POLA2: variants seen among roughly 807,000 people sequenced by gnomAD.
POLA2 encodes the protein DNA polymerase alpha 2, accessory subunit.
Under a neutral mutation model 82.8 loss-of-function variants are expected in POLA2, and 47 were observed. That is an observed-to-expected ratio of 0.57 (90% confidence interval 0.45 to 0.72). The LOEUF is 0.72. POLA2 is among the 30% of genes least tolerant of loss of function. POLA2 has a pLI of 0.00. For synonymous variants in POLA2, 287 were observed against 286.8 expected, an observed-to-expected ratio of 1.00 and a Z score of -0.01; for missense variants, 634 against 728.1, an observed-to-expected ratio of 0.87 and a Z score of 1.49.
chr11:65,272,149 A>G (rs1216164046), intron 4 of POLA2, among the ~76,000 whole-genome samples: 1 of 152,052 alleles, frequency 6.6e-6, no homozygotes, highest in African/African-American at 2.4e-5. Flanking sequence ...ATCGCTACAA[A>G]AGTACAAAAA....
chr11:65,295,742 C>A, intron 16 of POLA2, 122 bp from the exon 17 acceptor site: 6 of 1,355,444 alleles, frequency 4.4e-6, no homozygotes, highest in Non-Finnish European at 6.3e-6. Context: ...CTGCCCCACA[C>A]ACACAGAGAA....
At chr11:65,304,212 C>T (rs1001317966) in intron 8 of POLA2, among the ~76,000 whole-genome samples, 2 of 145,724 alleles carry the variant, frequency 1.4e-5, no homozygotes, top group Non-Finnish European at 2.9e-5. Context: ...TCCATCCATC[C>T]GTCCATCCAT....
rs41556122 is a variant in POLA2 at position 65,278,674 on chromosome 11, C to A, written c.462-56C>A. 3.5e-3 allele frequency: 4,831 copies of A among 1,398,790 alleles called. 146 individuals carry two copies. The African/African-American group carries it at 0.062, about 18-fold the overall frequency. 86.6% of individuals were successfully genotyped at this position (1,398,790 alleles called of 1,614,324 possible). ...TTTCCAAAGGTAACCTCATTTTATT[C>A]TTCTCTCCCTTTAGATATGAACACA... On this transcript the variant is annotated intron_variant, in intron 5 of 17. Coordinates refer to ENST00000265465, the MANE Select transcript of POLA2 (RefSeq NM_002689.4).
exon 9 of POLA2, chr11:65,305,479 A>G: frequency 2.3e-6 from 1 of 441,504 alleles, no homozygotes; most frequent in Non-Finnish European, 4.5e-6. Flanking sequence ...TACCTGGCAC[A>G]GTCTCCAAGA....
Position 65,284,127 on chromosome 11 carries a change from CTAGATAGA to C in POLA2, c.1006+1647_1006+1654del, listed in dbSNP as rs60541542. Among the ~76,000 whole-genome samples, 1,324 of 143,172 alleles carry C rather than the reference CTAGATAGA, an allele frequency of 9.2e-3. 10 individuals are homozygous for C. Among genetic ancestry groups the C allele is most frequent in the African/African-American group, 0.019 (740 of 38,218 alleles). The allele number at this position is 143,172 out of a possible 152,430, so 93.9% of individuals were successfully genotyped here. ...TCAGCATGGGTGAAAGAGTAAGACA[CTAGATAGA>C]TAGATAGATAGATAGATAGATAGAT... is the stretch of plus-strand genomic sequence containing the variant. On this transcript the variant is annotated intron_variant, in intron 10 of 17. Coordinates refer to ENST00000265465, the MANE Select transcript of POLA2 (RefSeq NM_002689.4).
chr11:65,267,536 A>G lies in POLA2; in HGVS notation c.264A>G (p.Ala88=), dbSNP rs1273369440. The change falls in exon 3 of 18, where the codon GCA becomes GCG. Residue 88 remains alanine (A), a synonymous_variant. Transcript: ENST00000265465. ...RHSTCKDSGH[A]GARDIVSIQE... ...GTACCTGCAAGGACAGTGGCCATGC[A>G]GGAGCTAGAGACATTGTTTCCATTC... 2 of 1,611,562 alleles carry G rather than the reference A, an allele frequency of 1.2e-6. No homozygotes were observed. Among genetic ancestry groups the G allele is most frequent in the South Asian group, 1.1e-5 (1 of 90,654 alleles).
chr11:65,295,090 AT>A (rs1949795673), intron 15 of POLA2, among the ~76,000 whole-genome samples: 1 of 152,048 alleles, frequency 6.6e-6, no homozygotes, highest in Admixed American at 6.6e-5. Flanking sequence ...GCCCTGACAA[AT>A]TTGTTGAGTT....
intron 8 of POLA2, among the ~76,000 whole-genome samples, chr11:65,304,664 C>T (rs986580275): frequency 1.3e-5 from 2 of 152,178 alleles, no homozygotes; most frequent in East Asian, 1.9e-4. Context: ...CTGAGAGCCA[C>T]GGGAGGCATG....
rs992337405 is a variant in POLA2 at position 65,297,523 on chromosome 11, A to G, written c.*254A>G. 41 of 360,826 alleles carry G rather than the reference A, an allele frequency of 1.1e-4. No homozygotes were observed. Among genetic ancestry groups the G allele is most frequent in the African/African-American group, 8.4e-4 (40 of 47,630 alleles). The allele number at this position is 360,826 out of a possible 1,614,324, so 22.4% of individuals were successfully genotyped here. Reference sequence around the variant, plus strand: ...GTGTCCAGAAGTAAGCCAGCTGTGGATCCCGCCCACTCAGAAAAGGCGAGA... The same window carrying G: ...GTGTCCAGAAGTAAGCCAGCTGTGGGTCCCGCCCACTCAGAAAAGGCGAGA... On this transcript the variant is annotated 3_prime_UTR_variant, in exon 18 of 18. Transcript: ENST00000265465.
intron 4 of POLA2, among the ~76,000 whole-genome samples, chr11:65,274,834 T>C (rs1490678135): frequency 6.6e-6 from 1 of 152,160 alleles, no homozygotes; most frequent in African/African-American, 2.4e-5. Context: ...AATCTTAATA[T>C]ACAAATTATA....
At chr11:65,305,520 C>G (rs1268962026) in exon 9 of POLA2, 1 of 406,634 alleles carries the variant, frequency 2.5e-6, no homozygotes, top group African/African-American at 2.1e-5. Context: ...ACAAAATGAC[C>G]ACTGCAAGCT....
chr11:65,262,402 C>T, intron 1 of POLA2, 31 bp downstream of exon 1: 1 of 1,571,196 alleles, frequency 6.4e-7, no homozygotes, highest in Non-Finnish European at 8.7e-7. Context: ...GCCCTGCAGC[C>T]GTGCTCCACG....
rs918481438 is a variant in POLA2, at chr11:65,262,188, G to A, written c.-105G>A. 8 of 816,024 alleles carry A rather than the reference G, an allele frequency of 9.8e-6. No homozygotes were observed. The highest frequency in any genetic ancestry group is 5.2e-5 in the African/African-American group (3 of 57,946). The allele number at this position is 816,024 out of a possible 1,614,324, so 50.5% of individuals were successfully genotyped here. On this transcript the variant is annotated 5_prime_UTR_variant, in exon 1 of 18. Transcript: ENST00000265465. ...CTCCTGTCACGGTCCGCGGAGGGGG[G>A]AAGGATAAGAGGGCGAGGAGCTCAT...
Position 65,281,011 on chromosome 11 carries a change from G to A in POLA2, c.764G>A (p.Gly255Asp), listed in dbSNP as rs1472348261. ...APAQEPVTLLGQIGCDSNGKL... is the reference protein window; with the variant it reads ...APAQEPVTLLDQIGCDSNGKL... The stretch of plus-strand genomic sequence containing the variant: ...TGGTAGGAGCCTGTCACTCTGCTGG[G>A]CCAGATTGGCTGTGATAGCAACGGG... The change falls in exon 8 of 18, where the codon GGC (glycine) becomes GAC (aspartate). Residue 255 changes from glycine to aspartate, a missense_variant. Gly to Asp is a moderately conservative substitution (Grantham distance 94). Transcript: ENST00000265465. The A allele has an allele frequency of 1.9e-6, 3 of 1,613,914 alleles. No homozygotes were observed. Among genetic ancestry groups the A allele is most frequent in the Non-Finnish European group, 2.5e-6 (3 of 1,179,984 alleles).
chr11:65,263,144 G>T (rs755473492), intron 1 of POLA2, among the ~76,000 whole-genome samples: 1 of 150,790 alleles, frequency 6.6e-6, no homozygotes, highest in Non-Finnish European at 1.5e-5. Flanking sequence ...ATAACGAAAC[G>T]TTAATTTATG....
chr11:65,287,782 A>AC lies in POLA2; in HGVS notation c.1078dup (p.Leu360ProfsTer3), dbSNP rs753085759. On this transcript the variant is annotated frameshift_variant, in exon 11 of 18. Coordinates refer to ENST00000265465, the MANE Select transcript of POLA2 (RefSeq NM_002689.4). LOFTEE classifies it high-confidence loss of function. ...ACCACATCTGACAGCATCACGTATG[A>AC]CCCCCTGCTTGACCTGATTGCTGTC... is the stretch of plus-strand genomic sequence containing the variant. 6.2e-7 allele frequency: 1 copy of AC among 1,613,110 alleles called. No homozygotes were observed. The highest frequency in any genetic ancestry group is 8.5e-7 in the Non-Finnish European group (1 of 1,179,756).
chr11:65,275,149 G>C (rs1406433548), intron 4 of POLA2, among the ~76,000 whole-genome samples: 1 of 152,118 alleles, frequency 6.6e-6, no homozygotes, highest in Non-Finnish European at 1.5e-5. Flanking sequence ...GTTGCCACCA[G>C]CTGACCACTC....
chr11:65,301,775 A>G (rs1363966315), downstream of POLA2, among the ~76,000 whole-genome samples: 1 of 152,142 alleles, frequency 6.6e-6, no homozygotes, highest in African/African-American at 2.4e-5. Context: ...ACCAGAAGAC[A>G]CCCATGGTTG....
chr11:65,273,594 A>G (rs1467515062), intron 4 of POLA2, among the ~76,000 whole-genome samples: 2 of 152,110 alleles, frequency 1.3e-5, no homozygotes, highest in Non-Finnish European at 2.9e-5. Flanking sequence ...AGCCCACTGT[A>G]TATTAGGAGA....
Sources: gnomAD v4.1 joint callset for allele counts (sites outside exome capture counted in the v4.1 genomes callset) on GRCh38, gnomAD v4.1.1 for gene constraint, MANE v1.5 for transcripts, NCBI Gene and HGNC (gene_info 2026-07-23, HGNC 2026-07-21) for gene names.